POLR3G: variants seen among roughly 807,000 people sequenced by gnomAD.
The protein encoded by POLR3G is RNA polymerase III subunit G, also known as DNA-directed RNA polymerase III subunit RPC7.
A neutral mutation model predicts 30.1 loss-of-function variants in POLR3G; 28 were observed. The ratio of observed to expected loss-of-function variants is 0.93; its 90% confidence interval spans 0.69 to 1.27. The LOEUF is 1.27. Ranked by LOEUF, POLR3G falls within the 50% of genes most tolerant of loss-of-function variation. POLR3G has a pLI of 0.00. For missense variants in POLR3G, 254 were observed against 264.6 expected (o/e 0.96, Z 0.28); for synonymous variants, 79 against 82.5 (o/e 0.96, Z 0.23).
intron 1 of POLR3G, among the ~76,000 whole-genome samples, chr5:90,484,681 A>G (rs771585666): frequency 5.3e-5 from 8 of 152,168 alleles, no homozygotes; most frequent in Non-Finnish European, 7.3e-5. Flanking sequence ...GCCAAAACCA[A>G]TGCCACTCCT....
chr5:90,490,559 G>A lies in POLR3G; in HGVS notation c.247+2430G>A, dbSNP rs551282991. ...GACTACAGGCGCACACACCATGCCCGGCTAACTTTTAATTTTTTTTTTTTT... is the reference window on the plus strand; with the variant it reads ...GACTACAGGCGCACACACCATGCCCAGCTAACTTTTAATTTTTTTTTTTTT... On this transcript the variant is annotated intron_variant, in intron 3 of 7. Coordinates refer to ENST00000651687, the MANE Select transcript of POLR3G (RefSeq NM_006467.3). The A allele has an allele frequency of 6.5e-4, 259 of 397,488 alleles. 4 individuals carry two copies. The highest frequency in any genetic ancestry group is 4.6e-3 in the South Asian group (249 of 53,556). The allele number at this position is 397,488 out of a possible 1,614,324, so 24.6% of individuals were successfully genotyped here.
rs1340969601 is a variant in POLR3G, at chr5:90,508,286, C to T, written c.585+1612C>T. On this transcript the variant is annotated intron_variant, in intron 7 of 7. Coordinates refer to ENST00000651687, the MANE Select transcript of POLR3G (RefSeq NM_006467.3). ...ATCAAGAGGAAACTCTATTAAATTT[C>T]ATGTCCTCTGCCTTCAAACTCAGTG... 2.0e-5 allele frequency among the ~76,000 whole-genome samples: 3 copies of T among 152,150 alleles called. No individual in the cohort carries two copies. The East Asian group carries it at 5.8e-4, about 29-fold the overall frequency.
At chr5:90,495,008 A>G (rs1751914496) in intron 3 of POLR3G, among the ~76,000 whole-genome samples, 1 of 152,192 alleles carries the variant, frequency 6.6e-6, no homozygotes, top group African/African-American at 2.4e-5. Flanking sequence ...TTTATAGATT[A>G]AAAACTTGGC....
chr5:90,512,339 T>C lies in POLR3G; in HGVS notation c.*200T>C. Reference sequence around the variant, plus strand: ...TTATTCCCTGACACTCTGACATTCCTTCTAAACACCTCTGCCATCTCTCTT... The same window carrying C: ...TTATTCCCTGACACTCTGACATTCCCTCTAAACACCTCTGCCATCTCTCTT... On this transcript the variant is annotated 3_prime_UTR_variant, in exon 8 of 8. Coordinates refer to ENST00000651687, the MANE Select transcript of POLR3G (RefSeq NM_006467.3). The C allele has an allele frequency of 2.0e-6, 1 of 512,796 alleles. No individual in the cohort carries two copies. Among genetic ancestry groups the C allele is most frequent in the Non-Finnish European group, 3.6e-6 (1 of 278,202 alleles). 31.8% of individuals were successfully genotyped at this position (512,796 alleles called of 1,614,324 possible).
intron 3 of POLR3G, among the ~76,000 whole-genome samples, chr5:90,489,757 C>CTTTTCTCT (rs1751627515): frequency 6.6e-6 from 1 of 152,110 alleles, no homozygotes; most frequent in African/African-American, 2.4e-5. Flanking sequence ...TTCTCTATGA[C>CTTTTCTCT]ACAGATGCAC....
chr5:90,489,562 C>T (rs891446311), intron 3 of POLR3G, among the ~76,000 whole-genome samples: 6 of 152,002 alleles, frequency 3.9e-5, no homozygotes, highest in Non-Finnish European at 7.4e-5. Flanking sequence ...CCACCATGCC[C>T]GGCCTAATAC....
At position 90,477,032 on chromosome 5, in the gene POLR3G, A is replaced by G. The variant is rs374686134; in HGVS notation, c.-44+2012A>G. On this transcript the variant is annotated intron_variant, in intron 1 of 7. Transcript: ENST00000651687. ...AGACGGCCTGACGATGAGGGTGCTT[A>G]ATAAATACTTGATTGGATTGAAGAG... Among the ~76,000 whole-genome samples, 3 of 152,342 alleles carry G rather than the reference A, an allele frequency of 2.0e-5. No homozygotes were observed. In the South Asian group the frequency reaches 6.2e-4, roughly 32 times the overall value.
chr5:90,478,569 C>T lies in POLR3G; in HGVS notation c.-44+3549C>T, dbSNP rs200151837. 4.9e-3 allele frequency among the ~76,000 whole-genome samples: 392 copies of T among 79,276 alleles called. 1 individual carries two copies. The highest frequency in any genetic ancestry group is 0.012 in the Middle Eastern group (1 of 82). 52.0% of individuals were successfully genotyped at this position (79,276 alleles called of 152,430 possible). ...AATGGGAGGTTTAATCTGCGTGGTT[C>T]TTTTTTTTTTTTTTTTTGAGAGGGA... is the stretch of plus-strand genomic sequence containing the variant. On this transcript the variant is annotated intron_variant, in intron 1 of 7. Transcript: ENST00000651687.
chr5:90,507,983 C>CA lies in POLR3G; in HGVS notation c.585+1310dup, dbSNP rs998068369. On this transcript the variant is annotated intron_variant, in intron 7 of 7. Transcript: ENST00000651687. The stretch of plus-strand genomic sequence containing the variant: ...TTGCCATTATTGTCTCTTGTCCTCC[C>CA]AGCGCACACACTAGACCAAAGCCAA... Among the ~76,000 whole-genome samples the CA allele has an allele frequency of 2.0e-5, 3 of 152,058 alleles. No individual in the cohort carries two copies. In the East Asian group the frequency reaches 5.8e-4, roughly 29 times the overall value.
chr5:90,504,357 G>A (rs1752389316), intron 6 of POLR3G, among the ~76,000 whole-genome samples: 1 of 143,056 alleles, frequency 7.0e-6, no homozygotes, highest in African/African-American at 3.0e-5. Flanking sequence ...TCAGGAGATC[G>A]AGACCATCCT....
Position 90,501,886 on chromosome 5 carries a change from A to G in POLR3G, c.356-20A>G. The G allele has an allele frequency of 6.2e-7, 1 of 1,611,070 alleles. No homozygotes were observed. Among genetic ancestry groups the G allele is most frequent in the Non-Finnish European group, 8.5e-7 (1 of 1,178,370 alleles). ...AGTTGCAGTTGCAGAAAAATGTGTT[A>G]ACTGGTAGTTTTACTTCAGCAGGCC... On this transcript the variant is annotated intron_variant, in intron 5 of 7. Transcript: ENST00000651687.
At chr5:90,506,923 G>A (rs1474924704) in intron 7 of POLR3G, among the ~76,000 whole-genome samples, 1 of 152,174 alleles carries the variant, frequency 6.6e-6, no homozygotes, top group Non-Finnish European at 1.5e-5. Flanking sequence ...AACTTTGTAA[G>A]TATAAATCTG....
chr5:90,480,861 A>G (rs558696710), intron 1 of POLR3G, among the ~76,000 whole-genome samples: 1 of 152,160 alleles, frequency 6.6e-6, no homozygotes, highest in Non-Finnish European at 1.5e-5. Flanking sequence ...CCTTCTGCTC[A>G]GCAGTTTTGA....
intron 3 of POLR3G, among the ~76,000 whole-genome samples, chr5:90,494,876 T>C (rs1031958810): frequency 3.3e-5 from 5 of 152,216 alleles, no homozygotes; most frequent in Admixed American, 3.3e-4. Flanking sequence ...GTAAAAACTG[T>C]TTTTTTCCGG....
chr5:90,489,752 T>C (rs1751627227), intron 3 of POLR3G, among the ~76,000 whole-genome samples: 1 of 152,204 alleles, frequency 6.6e-6, no homozygotes, highest in Non-Finnish European at 1.5e-5. Context: ...ATCTTTTCTC[T>C]ATGACACAGA....
rs59951999 is a variant in POLR3G, at chr5:90,487,378, A to ATTT, written c.118-595_118-593dup. Among the ~76,000 whole-genome samples the ATTT allele has an allele frequency of 3.6e-3, 203 of 57,050 alleles. 28 individuals carry two copies. Among genetic ancestry groups the ATTT allele is most frequent in the South Asian group, 5.9e-3 (7 of 1,180 alleles). The allele number at this position is 57,050 out of a possible 152,430, so 37.4% of individuals were successfully genotyped here. On this transcript the variant is annotated intron_variant, in intron 2 of 7. Coordinates refer to ENST00000651687, the MANE Select transcript of POLR3G (RefSeq NM_006467.3). Reference sequence around the variant, plus strand: ...TTTTCTTTTTTTTTTTGGTACATTAATTTTTTTTTTTTTTTTTTTTTTTTT... The same window carrying ATTT: ...TTTTCTTTTTTTTTTTGGTACATTAATTTTTTTTTTTTTTTTTTTTTTTTTTTT...
chr5:90,474,395 A>G, upstream of POLR3G: 2 of 1,090,898 alleles, frequency 1.8e-6, no homozygotes, highest in Non-Finnish European at 2.7e-6. Context: ...GTCTGCCTGC[A>G]GCCAGGGAGG....
chr5:90,508,999 C>T (rs1182390599), intron 7 of POLR3G, among the ~76,000 whole-genome samples: 9 of 152,164 alleles, frequency 5.9e-5, no homozygotes, highest in South Asian at 4.1e-4. Flanking sequence ...AAGCAGAGGT[C>T]GCAGTGAGCT....
chr5:90,492,974 T>C (rs1282760714), intron 3 of POLR3G, among the ~76,000 whole-genome samples: 1 of 151,926 alleles, frequency 6.6e-6, no homozygotes, highest in African/African-American at 2.4e-5. Context: ...CTACTAGAAA[T>C]GCATTTATAA....
Sources: allele counts gnomAD v4.1 joint callset (sites outside exome capture counted in the v4.1 genomes callset), GRCh38; gene constraint gnomAD v4.1.1; transcripts MANE v1.5; gene names NCBI Gene and HGNC (gene_info 2026-07-23, HGNC 2026-07-21).